Variants in ZNRF3 observed in about 807,000 individuals in gnomAD.
ZNRF3 encodes zinc and ring finger 3.
ZNRF3 carries 23 observed loss-of-function variants against 72.5 expected under a neutral mutation model. That is an observed-to-expected ratio of 0.32 (90% CI 0.23 to 0.45). The LOEUF is 0.45. Among genes scored for constraint, ZNRF3 ranks in the 20% least tolerant of loss-of-function variants. The pLI, the probability that ZNRF3 is intolerant of heterozygous loss-of-function variation, is 1.00. For missense variants in ZNRF3, 1,169 were observed against 1,272.1 expected, an observed-to-expected ratio of 0.92 and a Z score of 1.23; for synonymous variants, 610 against 545.3, an observed-to-expected ratio of 1.12 and a Z score of -1.65.
rs1028466399 is a variant in ZNRF3, at chr22:28,962,597, A to G, written c.301-24479A>G. ...GTTATCATTTCTTCCATAGTTATAG[A>G]TGGAGTGCTCCATGTGTCATTAGTC... On this transcript the variant is annotated intron_variant, in intron 1 of 8. Coordinates refer to ENST00000544604, the MANE Select transcript of ZNRF3 (RefSeq NM_001206998.2). Among the ~76,000 whole-genome samples, 10 of 152,216 alleles carry G rather than the reference A, an allele frequency of 6.6e-5. 1 individual carries two copies.
chr22:28,916,920 G>A (rs911955758), intron 1 of ZNRF3, among the ~76,000 whole-genome samples: 5 of 152,022 alleles, frequency 3.3e-5, no homozygotes, highest in Admixed American at 6.6e-5. Flanking sequence ...TGACTATACC[G>A]CCCAGGATTT....
chr22:29,003,481 T>G (rs1324569156), intron 2 of ZNRF3, among the ~76,000 whole-genome samples: 1 of 142,136 alleles, frequency 7.0e-6, no homozygotes, highest in African/African-American at 2.7e-5. Flanking sequence ...GCCACTGCAC[T>G]CCAGTCTGGG....
chr22:28,910,350 G>C (rs1186271921), intron 1 of ZNRF3, among the ~76,000 whole-genome samples: 2 of 152,148 alleles, frequency 1.3e-5, no homozygotes, highest in South Asian at 2.1e-4. Flanking sequence ...CTCTCCATCA[G>C]ACTTTGGATC....
chr22:29,004,590 G>A (rs1004418245), intron 2 of ZNRF3, among the ~76,000 whole-genome samples: 4 of 152,216 alleles, frequency 2.6e-5, no homozygotes, highest in Non-Finnish European at 5.9e-5. Flanking sequence ...TGACCAGCTA[G>A]TGGCATGTCT....
intron 1 of ZNRF3, among the ~76,000 whole-genome samples, chr22:28,969,061 G>T (rs1440861039): frequency 2.6e-5 from 4 of 152,112 alleles, no homozygotes; most frequent in African/African-American, 9.7e-5. Context: ...ATGCTTCTTC[G>T]TAACATCCTA....
In ZNRF3 at chr22:28,893,500, CT is replaced by C. The variant is rs796094872; in HGVS notation, c.300+9448del. 5.0e-3 allele frequency among the ~76,000 whole-genome samples: 711 copies of C among 141,676 alleles called. 2 individuals carry two copies. Among genetic ancestry groups the C allele is most frequent in the African/African-American group, 5.8e-3 (226 of 38,968 alleles). 92.9% of individuals were successfully genotyped at this position (141,676 alleles called of 152,430 possible). On this transcript the variant is annotated intron_variant, in intron 1 of 8. Transcript: ENST00000544604. ...TTGGTAATTTTCTTTCTTTCTTTTT[CT>C]TTTTTTTTTTTTTCGAGACAAGTTC... is the stretch of plus-strand genomic sequence containing the variant.
chr22:29,020,222 G>T (rs999410089), intron 2 of ZNRF3, among the ~76,000 whole-genome samples: 13 of 141,666 alleles, frequency 9.2e-5, no homozygotes, highest in Non-Finnish European at 1.7e-4. Context: ...AGGAAAAAAA[G>T]TCATGTTCAG....
At chr22:28,906,273 G>A (rs2034206173) in intron 1 of ZNRF3, among the ~76,000 whole-genome samples, 1 of 152,250 alleles carries the variant, frequency 6.6e-6, no homozygotes, top group African/African-American at 2.4e-5. Context: ...GCTGCAGTGA[G>A]CTGAGATGGC....
intron 2 of ZNRF3, among the ~76,000 whole-genome samples, chr22:29,039,218 G>A (rs188545218): frequency 3.3e-5 from 5 of 152,288 alleles, no homozygotes; most frequent in South Asian, 4.1e-4. Flanking sequence ...CGTTCCGGGC[G>A]GAGCAGGGAA....
chr22:28,926,811 AAAG>A (rs1317735521), intron 1 of ZNRF3, among the ~76,000 whole-genome samples: 1 of 151,436 alleles, frequency 6.6e-6, no homozygotes, highest in Non-Finnish European at 1.5e-5. Flanking sequence ...AAAAAAAAAA[AAAG>A]AAAAGAAAAG....
chr22:28,918,829 C>T (rs2034460154), intron 1 of ZNRF3, among the ~76,000 whole-genome samples: 1 of 93,422 alleles, frequency 1.1e-5, no homozygotes, highest in African/African-American at 2.9e-5. Flanking sequence ...GGTCAAAGCA[C>T]AGCAGCCTAA....
Position 29,049,891 on chromosome 22 carries a change from C to A in ZNRF3, c.1710C>A (p.Asp570Glu). The change falls in exon 8 of 9, where the codon GAC becomes GAA. Residue 570 changes from aspartate (D) to glutamate (E), a missense_variant. Coordinates refer to ENST00000544604, the MANE Select transcript of ZNRF3 (RefSeq NM_001206998.2). The surrounding 1 kb of genome is among the most constrained non-coding windows in gnomAD (Gnocchi z 5.2). The stretch of plus-strand genomic sequence containing the variant: ...GTTCCTCCAGTGACTCTGTGGTAGA[C>A]TGCACTGAGGTCAGCAACCAGGGCG... ...CHCSSSDSVV[D>E]CTEVSNQGVY... is the part of the protein sequence containing the mutation. 6.2e-7 allele frequency: 1 copy of A among 1,603,254 alleles called. No homozygotes were observed. Among genetic ancestry groups the A allele is most frequent in the Non-Finnish European group, 8.5e-7 (1 of 1,174,462 alleles).
intron 1 of ZNRF3, among the ~76,000 whole-genome samples, chr22:28,960,276 A>T (rs1406145463): frequency 2.0e-5 from 3 of 152,196 alleles, no homozygotes; most frequent in African/African-American, 7.2e-5. Context: ...TAAACTTTAC[A>T]TGGAGTGAAA....
At chr22:28,913,514 C>T (rs2034355819) in intron 1 of ZNRF3, among the ~76,000 whole-genome samples, 1 of 152,046 alleles carries the variant, frequency 6.6e-6, no homozygotes, top group Admixed American at 6.6e-5. Flanking sequence ...AAGTTAACTA[C>T]CAGCTTTCCA....
chr22:28,917,503 T>C, intron 1 of ZNRF3: 2 of 948,248 alleles, frequency 2.1e-6, no homozygotes, highest in Non-Finnish European at 2.5e-6. Flanking sequence ...ATGTTAAATC[T>C]AAATTTGGGT....
At chr22:28,912,990 C>T (rs889796270) in intron 1 of ZNRF3, among the ~76,000 whole-genome samples, 1 of 152,150 alleles carries the variant, frequency 6.6e-6, no homozygotes, top group Non-Finnish European at 1.5e-5. Flanking sequence ...GAATCCTTGC[C>T]GATTTGAGTC....
intron 1 of ZNRF3, among the ~76,000 whole-genome samples, chr22:28,887,847 C>T (rs1224348198): frequency 1.3e-5 from 2 of 152,142 alleles, no homozygotes; most frequent in African/African-American, 4.8e-5. Context: ...GTGCAACTCA[C>T]ATGGTTGGTG....
intron 1 of ZNRF3, among the ~76,000 whole-genome samples, chr22:28,944,959 A>AAATAAT (rs199573329): frequency 3.8e-5 from 5 of 132,924 alleles, no homozygotes; most frequent in African/African-American, 1.3e-4. Context: ...ATAAATAAAT[A>AAATAAT]AATAATAATA....
chr22:29,023,518 A>G (rs1392469360), intron 2 of ZNRF3, among the ~76,000 whole-genome samples: 1 of 152,118 alleles, frequency 6.6e-6, no homozygotes, highest in East Asian at 1.9e-4. Flanking sequence ...AGGAGTGGAG[A>G]AGCAGGCTGC....
Sources: gnomAD v4.1 joint callset for allele counts (sites outside exome capture counted in the v4.1 genomes callset) on GRCh38, gnomAD v4.1.1 for gene constraint, Gnocchi (gnomAD v3.1) non-coding constraint, MANE v1.5 for transcripts, NCBI Gene and HGNC (gene_info 2026-07-23, HGNC 2026-07-21) for gene names.